PCSK2: variants seen among roughly 807,000 people sequenced by gnomAD.
The protein encoded by PCSK2 is neuroendocrine convertase 2.
Under a neutral mutation model 69.7 loss-of-function variants are expected in PCSK2, and 14 were observed. The ratio of observed to expected loss-of-function variants is 0.20; its 90% CI spans 0.13 to 0.31. The LOEUF (loss-of-function observed/expected upper bound fraction) is 0.31, where lower values mean the gene tolerates loss of function less well. PCSK2 is among the 10% of genes least tolerant of loss of function. The probability of loss-of-function intolerance (pLI) is 1.00; values close to 1 mark genes in which losing one functional copy is unlikely to be tolerated. For missense variants in PCSK2, 544 were observed against 842.5 expected (o/e 0.65, Z 4.39); for synonymous variants, 307 against 320.7 (o/e 0.96, Z 0.46).
chr20:17,257,246 G>A (rs1017252408), intron 1 of PCSK2, among the ~76,000 whole-genome samples: 2 of 152,154 alleles, frequency 1.3e-5, no homozygotes, highest in African/African-American at 2.4e-5. Flanking sequence ...CAGTGAGAAC[G>A]GTGATCATTA....
intron 2 of PCSK2, among the ~76,000 whole-genome samples, chr20:17,316,798 A>T (rs573470379): frequency 4.6e-5 from 7 of 152,252 alleles, no homozygotes; most frequent in African/African-American, 1.2e-4. Flanking sequence ...CAGACAGATT[A>T]TAAGAGTTGA....
At chr20:17,413,155 T>C (rs1336890042) in intron 6 of PCSK2, among the ~76,000 whole-genome samples, 3 of 152,306 alleles carry the variant, frequency 2.0e-5, no homozygotes, top group East Asian at 3.9e-4. Context: ...AACATCATAA[T>C]GACAGAATCA....
chr20:17,477,028 C>T (rs1465925639), intron 11 of PCSK2, among the ~76,000 whole-genome samples: 3 of 152,308 alleles, frequency 2.0e-5, no homozygotes, highest in Admixed American at 1.3e-4. Context: ...AGCAGTACTC[C>T]ATGAAACCGT....
chr20:17,449,198 C>G (rs1394615725), intron 8 of PCSK2, among the ~76,000 whole-genome samples: 2 of 152,282 alleles, frequency 1.3e-5, no homozygotes, highest in East Asian at 3.9e-4. Context: ...CCTCAGGCAG[C>G]TGACAGCCAT....
At chr20:17,237,252 T>C (rs1986377793) in intron 1 of PCSK2, among the ~76,000 whole-genome samples, 1 of 152,146 alleles carries the variant, frequency 6.6e-6, no homozygotes. Flanking sequence ...TTCCAGATAA[T>C]GATGAAGTTC....
chr20:17,285,608 G>C (rs1469793413), intron 2 of PCSK2, among the ~76,000 whole-genome samples: 1 of 152,218 alleles, frequency 6.6e-6, no homozygotes, highest in Non-Finnish European at 1.5e-5. Flanking sequence ...TCAGTAGACT[G>C]TATTTTGAGC....
chr20:17,369,711 G>A (rs746864325), intron 5 of PCSK2, among the ~76,000 whole-genome samples: 3 of 152,202 alleles, frequency 2.0e-5, no homozygotes, highest in Non-Finnish European at 4.4e-5. Flanking sequence ...AGTAGGTACA[G>A]GGAGGGGGAA....
chr20:17,416,779 C>T (rs2032008985), intron 6 of PCSK2, among the ~76,000 whole-genome samples: 1 of 152,160 alleles, frequency 6.6e-6, no homozygotes, highest in African/African-American at 2.4e-5. Flanking sequence ...ACCCAAATGT[C>T]CATCAATGAT....
intron 1 of PCSK2, among the ~76,000 whole-genome samples, chr20:17,257,964 T>TA (rs569787407): frequency 2.0e-5 from 3 of 152,222 alleles, no homozygotes; most frequent in Admixed American, 6.5e-5. Context: ...ATTGCAACCT[T>TA]AAAAATTTGC....
intron 8 of PCSK2, among the ~76,000 whole-genome samples, chr20:17,452,950 A>G (rs553904361): frequency 3.3e-5 from 5 of 152,356 alleles, no homozygotes; most frequent in Non-Finnish European, 2.9e-5. Context: ...ACTAATTAGC[A>G]TGTGGCAATA....
intron 1 of PCSK2, among the ~76,000 whole-genome samples, chr20:17,251,752 T>C (rs1429634056): frequency 3.3e-5 from 5 of 152,178 alleles, no homozygotes; most frequent in Admixed American, 3.3e-4. Flanking sequence ...CTCATGAATG[T>C]GGGAATTTGT....
At chr20:17,281,211 C>T (rs1988296500) in intron 2 of PCSK2, among the ~76,000 whole-genome samples, 3 of 152,198 alleles carry the variant, frequency 2.0e-5, no homozygotes, top group African/African-American at 7.2e-5. Context: ...TGGAGACAAC[C>T]TCTTTGTCCT....
intron 7 of PCSK2, among the ~76,000 whole-genome samples, chr20:17,431,963 G>T (rs1211205249): frequency 6.6e-6 from 1 of 152,186 alleles, no homozygotes; most frequent in Non-Finnish European, 1.5e-5. Flanking sequence ...ATCGTTGCTG[G>T]TCTCAAAGTC....
At chr20:17,231,820 C>G (rs953357577) in intron 1 of PCSK2, among the ~76,000 whole-genome samples, 5 of 152,246 alleles carry the variant, frequency 3.3e-5, no homozygotes, top group Middle Eastern at 3.4e-3. Context: ...AGCATTTTCA[C>G]GGCTTTAAAG....
intron 2 of PCSK2, among the ~76,000 whole-genome samples, chr20:17,336,352 G>C (rs182225512): frequency 1.3e-5 from 2 of 152,270 alleles, no homozygotes; most frequent in East Asian, 3.9e-4. Flanking sequence ...GCAACTAGTT[G>C]AATGCCATTG....
At chr20:17,381,843 T>C (rs1429663772) in intron 5 of PCSK2, among the ~76,000 whole-genome samples, 1 of 151,992 alleles carries the variant, frequency 6.6e-6, no homozygotes, top group Non-Finnish European at 1.5e-5. Flanking sequence ...GAACACTAGG[T>C]GGAAAGGAGC....
At chr20:17,415,751 C>A (rs1042666823) in intron 6 of PCSK2, among the ~76,000 whole-genome samples, 1 of 152,180 alleles carries the variant, frequency 6.6e-6, no homozygotes. Flanking sequence ...AAGAACAAAG[C>A]TGGAGGCATC....
chr20:17,411,246 C>T (rs2031865052), intron 6 of PCSK2, among the ~76,000 whole-genome samples: 1 of 152,206 alleles, frequency 6.6e-6, no homozygotes, highest in Non-Finnish European at 1.5e-5. Context: ...ACAGTGGGTG[C>T]AAGGGGTCGG....
At chr20:17,463,227 A>G (rs1386958715) in intron 10 of PCSK2, among the ~76,000 whole-genome samples, 3 of 152,162 alleles carry the variant, frequency 2.0e-5, no homozygotes, top group African/African-American at 7.2e-5. Context: ...AGTACAGCCC[A>G]TTTTCATGGC....
Sources: allele counts gnomAD v4.1 joint callset (sites outside exome capture counted in the v4.1 genomes callset), GRCh38; gene constraint gnomAD v4.1.1; transcripts MANE v1.5; gene names NCBI Gene and HGNC (gene_info 2026-07-23, HGNC 2026-07-21).